PDS5B: variants seen among roughly 807,000 people sequenced by gnomAD.
PDS5B encodes sister chromatid cohesion protein PDS5 homolog B.
A neutral mutation model predicts 184.1 loss-of-function variants in PDS5B; 51 were observed. The ratio of observed to expected loss-of-function variants is 0.28; its 90% CI spans 0.22 to 0.35. PDS5B has a LOEUF of 0.35. PDS5B is among the 10% of genes least tolerant of loss of function. PDS5B has a pLI of 1.00. For missense variants in PDS5B, 1,180 were observed against 1,723.3 expected (o/e 0.68, Z 5.58); for synonymous variants, 566 against 569.2 (o/e 0.99, Z 0.08).
chr13:32,612,050 C>CT (rs569721012), intron 1 of PDS5B, among the ~76,000 whole-genome samples: 135 of 145,274 alleles, frequency 9.3e-4, no homozygotes, highest in South Asian at 4.8e-3. Context: ...GACTGTGCAT[C>CT]TTTTTTTTTT....
intron 13 of PDS5B, among the ~76,000 whole-genome samples, chr13:32,692,166 A>G (rs1163312875): frequency 2.6e-5 from 4 of 152,052 alleles, no homozygotes; most frequent in Non-Finnish European, 5.9e-5. Flanking sequence ...AGAGCCATAT[A>G]TTTTATTCTC....
At chr13:32,726,232 A>G (rs767896858) in intron 19 of PDS5B, among the ~76,000 whole-genome samples, 5 of 151,906 alleles carry the variant, frequency 3.3e-5, no homozygotes, top group South Asian at 2.1e-4. Flanking sequence ...AAGATAAACT[A>G]TATACACTTT....
chr13:32,635,170 GTTTTTTTTTTTTTTTTTTTTTTTT>G (rs71071054), intron 1 of PDS5B, among the ~76,000 whole-genome samples: 22 of 81,122 alleles, frequency 2.7e-4, no homozygotes, highest in African/African-American at 4.0e-4. Context: ...AGCCAATTAC[GTTTTTTTTTTTTTTTTTTTTTTTT>G]TTTTTTTTTT....
intron 1 of PDS5B, among the ~76,000 whole-genome samples, chr13:32,603,286 G>A (rs1372076757): frequency 1.3e-5 from 2 of 152,180 alleles, no homozygotes; most frequent in East Asian, 3.9e-4. Flanking sequence ...GTGTAAGGAA[G>A]GGATCCAGTT....
chr13:32,655,843 G>A (rs1950500232), intron 3 of PDS5B, among the ~76,000 whole-genome samples: 1 of 152,094 alleles, frequency 6.6e-6, no homozygotes. Flanking sequence ...GGTCTCATTT[G>A]TCAATTTTTG....
At chr13:32,769,350 T>G (rs993359942) in intron 31 of PDS5B, among the ~76,000 whole-genome samples, 9 of 152,218 alleles carry the variant, frequency 5.9e-5, no homozygotes, top group Admixed American at 3.3e-4. Flanking sequence ...TTGTTTTCAG[T>G]GATTTTTGAA....
chr13:32,739,742 A>T (rs1008945889), intron 21 of PDS5B, among the ~76,000 whole-genome samples: 3 of 151,666 alleles, frequency 2.0e-5, no homozygotes, highest in African/African-American at 7.3e-5. Flanking sequence ...CTAGTTGTGT[A>T]AATGTTCATG....
At chr13:32,738,223 G>A (rs947405404) in intron 21 of PDS5B, among the ~76,000 whole-genome samples, 8 of 152,014 alleles carry the variant, frequency 5.3e-5, no homozygotes, top group African/African-American at 1.9e-4. Context: ...AATTTCTCTA[G>A]GTTTTATTCC....
intron 1 of PDS5B, among the ~76,000 whole-genome samples, chr13:32,609,752 T>G (rs2058112628): frequency 1.3e-5 from 2 of 152,214 alleles, no homozygotes; most frequent in Non-Finnish European, 2.9e-5. Context: ...CTTCATCTTT[T>G]GTTGGTCATG....
intron 5 of PDS5B, among the ~76,000 whole-genome samples, 200 bp downstream of exon 5, chr13:32,658,731 A>G (rs1180098211): frequency 6.6e-6 from 1 of 152,158 alleles, no homozygotes; most frequent in African/African-American, 2.4e-5. Flanking sequence ...GAGGAGTGGC[A>G]TAAGGCCAGT....
chr13:32,712,616 G>A (rs1372818633), intron 19 of PDS5B, among the ~76,000 whole-genome samples: 1 of 152,216 alleles, frequency 6.6e-6, no homozygotes, highest in Admixed American at 6.5e-5. Context: ...GTGCCCTTAA[G>A]ACTCTATTGA....
At chr13:32,588,108 A>G (rs2057719154) in intron 1 of PDS5B, among the ~76,000 whole-genome samples, 1 of 152,240 alleles carries the variant, frequency 6.6e-6, no homozygotes, top group Non-Finnish European at 1.5e-5. Flanking sequence ...TATGGACTTG[A>G]AAGACAGCTC....
Position 32,777,452 on chromosome 13 carries a change from A to G in PDS5B, c.*2400A>G, listed in dbSNP as rs1368489308. 2.6e-5 allele frequency: 4 copies of G among 150,974 alleles called. No homozygotes were observed. Among genetic ancestry groups the G allele is most frequent in the African/African-American group, 4.9e-5 (2 of 41,034 alleles). The allele number at this position is 150,974 out of a possible 1,614,324, so 9.4% of individuals were successfully genotyped here. On this transcript the variant is annotated 3_prime_UTR_variant, in exon 35 of 35. Coordinates refer to ENST00000315596, the MANE Select transcript of PDS5B (RefSeq NM_015032.4). ...GGATTATCTTACGTTTAAGCTTAAC[A>G]TTTCATGTAGTAAGATTTGGAGAGC... is the stretch of plus-strand genomic sequence containing the variant.
chr13:32,673,432 A>G, intron 8 of PDS5B, 76 bp downstream of exon 8: 1 of 1,257,890 alleles, frequency 7.9e-7, no homozygotes, highest in Middle Eastern at 2.3e-4. Flanking sequence ...TTTAATTTTT[A>G]CAGTAGTTTT....
intron 1 of PDS5B, among the ~76,000 whole-genome samples, chr13:32,644,538 C>A (rs1412572515): frequency 1.3e-5 from 2 of 151,632 alleles, no homozygotes; most frequent in African/African-American, 4.8e-5. Context: ...ATTTCTTTTT[C>A]TTTCCCTCCT....
intron 31 of PDS5B, among the ~76,000 whole-genome samples, chr13:32,768,130 C>T (rs568127764): frequency 5.3e-5 from 8 of 152,262 alleles, no homozygotes; most frequent in Middle Eastern, 3.4e-3. Context: ...ATACCAAATA[C>T]CACAGACTGG....
In PDS5B at chr13:32,725,098, C is replaced by T. The variant is rs552148174; in HGVS notation, c.2124-7003C>T. Among the ~76,000 whole-genome samples the T allele has an allele frequency of 3.9e-5, 6 of 152,304 alleles. No homozygotes were observed. The East Asian group carries it at 7.7e-4, about 20-fold the overall frequency. Reference sequence around the variant, plus strand: ...ATTGTCATTCTTCTTCATTTCCTAGCTGAATACTTTTGTAAAAAGCAAATT... The same window carrying T: ...ATTGTCATTCTTCTTCATTTCCTAGTTGAATACTTTTGTAAAAAGCAAATT... On this transcript the variant is annotated intron_variant, in intron 19 of 34. Transcript: ENST00000315596.
At chr13:32,748,184 A>C (rs562530470) in intron 24 of PDS5B, among the ~76,000 whole-genome samples, 71 of 152,340 alleles carry the variant, frequency 4.7e-4, no homozygotes, top group South Asian at 8.3e-4. Context: ...TTCTTCCTTT[A>C]AATCATATGC....
intron 1 of PDS5B, among the ~76,000 whole-genome samples, chr13:32,631,106 C>CTTTTT (rs980228989): frequency 7.4e-6 from 1 of 135,000 alleles, no homozygotes; most frequent in Non-Finnish European, 1.6e-5. Context: ...TCTATTGATT[C>CTTTTT]TTTTTTTCTT....
Sources: allele counts gnomAD v4.1 joint callset (sites outside exome capture counted in the v4.1 genomes callset), GRCh38; gene constraint gnomAD v4.1.1; transcripts MANE v1.5; gene names NCBI Gene and HGNC (gene_info 2026-07-23, HGNC 2026-07-21).